AFF2: variants seen among roughly 807,000 people sequenced by gnomAD.
The protein encoded by AFF2 is ALF transcription elongation factor 2, also known as AF4/FMR2 family member 2.
Under a neutral mutation model 76.9 loss-of-function variants are expected in AFF2, and 14 were observed. That is an observed-to-expected ratio of 0.18 (90% CI 0.12 to 0.28). The LOEUF (loss-of-function observed/expected upper bound fraction) is 0.28, where lower values mean the gene tolerates loss of function less well. Ranked by LOEUF, AFF2 falls within the 10% of genes least tolerant of loss-of-function variation. AFF2 has a pLI of 1.00. For synonymous variants in AFF2, 398 were observed against 366.7 expected (o/e 1.09, Z -0.98); for missense variants, 868 against 1,001.1 (o/e 0.87, Z 1.79).
intron 1 of AFF2, among the ~76,000 whole-genome samples, chrX:148,645,036 T>C (rs2054131139): frequency 8.9e-6 from 1 of 112,319 alleles, no homozygotes; most frequent in Non-Finnish European, 1.9e-5. Context: ...ATTTTTAAAT[T>C]GACCAACTTA....
intron 2 of AFF2, among the ~76,000 whole-genome samples, chrX:148,659,705 T>C (rs1486777267): frequency 1.8e-5 from 2 of 112,178 alleles, no homozygotes; most frequent in African/African-American, 6.5e-5. Flanking sequence ...CACAATGAAA[T>C]TTCTTTGTTT....
chrX:148,882,355 T>C (rs1201282779), intron 7 of AFF2, among the ~76,000 whole-genome samples: 1 of 111,866 alleles, frequency 8.9e-6, no homozygotes, highest in East Asian at 2.8e-4. Context: ...ACTTGGTTTT[T>C]TGTTCACAGT....
Position 148,999,641 on chromosome X carries a change from A to C in AFF2, c.*8309A>C, listed in dbSNP as rs2072653200. On this transcript the variant is annotated 3_prime_UTR_variant, in exon 21 of 21. Transcript: ENST00000370460. ...GCGTGTGTGTGTCCCTGCATGTGCA[A>C]CATGTCTAGCTTGCTGTCCTTCATG... 9.0e-6 allele frequency: 1 copy of C among 111,297 alleles called. No individual in the cohort carries two copies. Among genetic ancestry groups the C allele is most frequent in the African/African-American group, 3.3e-5 (1 of 30,178 alleles). 9.2% of individuals were successfully genotyped at this position (111,297 alleles called of 1,213,427 possible). A position where few individuals can be genotyped will look rare whatever the true frequency, so the allele number is the denominator to read the frequency against.
chrX:148,629,174 A>T (rs2053956906), intron 1 of AFF2, among the ~76,000 whole-genome samples: 2 of 109,497 alleles, frequency 1.8e-5, no homozygotes, highest in Admixed American at 2.0e-4. Flanking sequence ...GAAGATGATA[A>T]TCTCTCTATG....
At chrX:148,623,162 C>A (rs1247939986) in intron 1 of AFF2, among the ~76,000 whole-genome samples, 1 of 111,500 alleles carries the variant, frequency 9.0e-6, no homozygotes, top group Non-Finnish European at 1.9e-5. Flanking sequence ...TTTTTCTGGG[C>A]AAACCATTGC....
chrX:148,853,927 A>T (rs1428424769), intron 7 of AFF2, among the ~76,000 whole-genome samples: 3 of 112,158 alleles, frequency 2.7e-5, no homozygotes, highest in Non-Finnish European at 5.6e-5. Context: ...CTTGTAGAAG[A>T]ATTTGAAAAC....
chrX:148,619,773 C>T (rs1856987120), intron 1 of AFF2, among the ~76,000 whole-genome samples: 3 of 111,774 alleles, frequency 2.7e-5, no homozygotes, highest in Non-Finnish European at 5.7e-5. Flanking sequence ...AGTTTTTCTC[C>T]ATCTTGCCTC....
intron 7 of AFF2, among the ~76,000 whole-genome samples, chrX:148,856,152 C>T (rs893259133): frequency 9.0e-6 from 1 of 111,575 alleles, no homozygotes; most frequent in African/African-American, 3.3e-5. Context: ...ATGGCTAGAA[C>T]GTCTTAAATG....
At chrX:148,624,459 T>C (rs1485251053) in intron 1 of AFF2, among the ~76,000 whole-genome samples, 1 of 112,337 alleles carries the variant, frequency 8.9e-6, no homozygotes, top group Non-Finnish European at 1.9e-5. Context: ...ATATCTTATA[T>C]TGCCTGTGCA....
intron 9 of AFF2, among the ~76,000 whole-genome samples, chrX:148,941,915 T>C (rs1455090124): frequency 9.0e-6 from 1 of 111,093 alleles, no homozygotes; most frequent in Non-Finnish European, 1.9e-5. Context: ...CATTTCTATA[T>C]ATTATAAAGC....
rs200483902 is a variant in AFF2 at position 148,791,988 on chromosome X, AT to A, written c.1042-17885del. Among the ~76,000 whole-genome samples, 586 of 111,194 alleles carry A rather than the reference AT, an allele frequency of 5.3e-3. 4 individuals are homozygous for A. Among genetic ancestry groups the A allele is most frequent in the African/African-American group, 0.019 (567 of 30,605 alleles). ...CTTATATTTCAGTAGTGGCTACTAG[AT>A]TTATATATACATATAAATATAAATT... On this transcript the variant is annotated intron_variant, in intron 3 of 20. Coordinates refer to ENST00000370460, the MANE Select transcript of AFF2 (RefSeq NM_002025.4).
intron 1 of AFF2, among the ~76,000 whole-genome samples, chrX:148,646,587 G>T (rs2054146355): frequency 8.9e-6 from 1 of 112,349 alleles, no homozygotes; most frequent in Non-Finnish European, 1.9e-5. Flanking sequence ...CAGATTTAAA[G>T]GAAAATCAAA....
intron 8 of AFF2, among the ~76,000 whole-genome samples, chrX:148,897,029 A>T (rs1266476072): frequency 9.7e-6 from 1 of 103,623 alleles, no homozygotes; most frequent in Non-Finnish European, 2.0e-5. Context: ...ATCTTCCCAC[A>T]TCAAGTCTGA....
chrX:148,747,764 T>C (rs2055440050), intron 3 of AFF2, among the ~76,000 whole-genome samples: 1 of 112,176 alleles, frequency 8.9e-6, no homozygotes, highest in Admixed American at 9.5e-5. Flanking sequence ...TATTCTACTA[T>C]AATTATATGG....
At chrX:148,624,142 A>G (rs1457765747) in intron 1 of AFF2, among the ~76,000 whole-genome samples, 1 of 111,895 alleles carries the variant, frequency 8.9e-6, no homozygotes, top group Non-Finnish European at 1.9e-5. Context: ...GAAGTGTCGA[A>G]TAATGCATCT....
At chrX:148,726,290 GGGTCT>G (rs1201912024) in intron 3 of AFF2, among the ~76,000 whole-genome samples, 1 of 111,493 alleles carries the variant, frequency 9.0e-6, no homozygotes, top group Non-Finnish European at 1.9e-5. Context: ...GTTTTTACTG[GGGTCT>G]GGTCACACAG....
At chrX:148,746,556 TTAGGC>T (rs2055422599) in intron 3 of AFF2, among the ~76,000 whole-genome samples, 1 of 112,509 alleles carries the variant, frequency 8.9e-6, no homozygotes, top group Admixed American at 9.4e-5. Context: ...CCTAAAGGAT[TTAGGC>T]TACTGTTTTC....
At chrX:148,572,221 C>T (rs2053237384) in intron 1 of AFF2, among the ~76,000 whole-genome samples, 1 of 111,482 alleles carries the variant, frequency 9.0e-6, no homozygotes, top group Admixed American at 9.6e-5. Context: ...ACTTCACACC[C>T]ACTAGAATCA....
At chrX:148,809,336 A>C (rs1603304811) in intron 3 of AFF2, among the ~76,000 whole-genome samples, 1 of 111,967 alleles carries the variant, frequency 8.9e-6, no homozygotes, top group East Asian at 2.8e-4. Context: ...GGAAGGTGTC[A>C]CACTGGGAAA....
Sources: allele counts gnomAD v4.1 joint callset (sites outside exome capture counted in the v4.1 genomes callset), GRCh38; gene constraint gnomAD v4.1.1; transcripts MANE v1.5; gene names NCBI Gene and HGNC (gene_info 2026-07-23, HGNC 2026-07-21).